CDC42BPA: variants seen among roughly 807,000 people sequenced by gnomAD.
CDC42BPA encodes the protein CDC42 binding protein kinase alpha, also known as serine/threonine-protein kinase MRCK alpha.
In CDC42BPA, 80 loss-of-function variants were observed where a neutral mutation model predicts 223.5. The observed-to-expected ratio is 0.36, with a 90% CI of 0.30 to 0.43. The LOEUF is 0.43. CDC42BPA is among the 20% of genes least tolerant of loss of function. CDC42BPA has a pLI of 1.00. For missense variants in CDC42BPA, 1,743 were observed against 2,099.9 expected, an observed-to-expected ratio of 0.83 and a Z score of 3.32; for synonymous variants, 694 against 718.6, an observed-to-expected ratio of 0.97 and a Z score of 0.55.
intron 1 of CDC42BPA, among the ~76,000 whole-genome samples, chr1:227,289,947 G>A (rs1323809383): frequency 6.6e-6 from 1 of 151,262 alleles, no homozygotes; most frequent in Admixed American, 6.6e-5. Flanking sequence ...GCTACTGGGA[G>A]GCTCACTTGA....
intron 10 of CDC42BPA, among the ~76,000 whole-genome samples, chr1:227,137,360 C>T (rs1658780916): frequency 6.6e-6 from 1 of 151,982 alleles, no homozygotes; most frequent in South Asian, 2.1e-4. Flanking sequence ...AAAACGCGGA[C>T]GATAAGTTCT....
At chr1:227,079,590 A>T (rs1343059828) in intron 17 of CDC42BPA, among the ~76,000 whole-genome samples, 1 of 152,180 alleles carries the variant, frequency 6.6e-6, no homozygotes, top group Non-Finnish European at 1.5e-5. Flanking sequence ...TCAGAAATGC[A>T]GACTTGATGA....
rs1341713166 is a variant in CDC42BPA at position 227,300,588 on chromosome 1, C to T, written c.178+16417G>A. ...AACTCAGGAATGGAAAACCAAATACCGTATGTTCTCACTTATAAGTGGGAG... is the reference window on the plus strand; with the variant it reads ...AACTCAGGAATGGAAAACCAAATACTGTATGTTCTCACTTATAAGTGGGAG... On this transcript the variant is annotated intron_variant, in intron 1 of 36. Coordinates refer to ENST00000366766, the MANE Select transcript of CDC42BPA (RefSeq NM_001394014.1). 4.6e-5 allele frequency among the ~76,000 whole-genome samples: 7 copies of T among 152,048 alleles called. No homozygotes were observed. In the South Asian group the frequency reaches 8.3e-4, roughly 18 times the overall value.
chr1:227,126,462 A>AG (rs1571822744), intron 11 of CDC42BPA, among the ~76,000 whole-genome samples: 1 of 128,040 alleles, frequency 7.8e-6, no homozygotes, highest in African/African-American at 2.9e-5. Context: ...AGGCAGTACA[A>AG]GAAAGGAAGG....
chr1:227,297,499 G>A (rs1690848683), intron 1 of CDC42BPA, among the ~76,000 whole-genome samples: 1 of 152,126 alleles, frequency 6.6e-6, no homozygotes, highest in African/African-American at 2.4e-5. Flanking sequence ...GTTCACTGCA[G>A]CATTATTCAT....
At chr1:227,091,184 G>A (rs1314139560) in intron 16 of CDC42BPA, among the ~76,000 whole-genome samples, 5 of 152,136 alleles carry the variant, frequency 3.3e-5, no homozygotes, top group Non-Finnish European at 7.3e-5. Context: ...TTAGCCATCC[G>A]TGACGGGGTA....
intron 2 of CDC42BPA, among the ~76,000 whole-genome samples, chr1:227,240,764 T>C (rs188991085): frequency 1.3e-5 from 2 of 151,740 alleles, no homozygotes; most frequent in African/African-American, 2.4e-5. Flanking sequence ...AATCTAAATA[T>C]AGTAGCTAAA....
At chr1:226,997,973 G>C (rs982265522) in intron 35 of CDC42BPA, among the ~76,000 whole-genome samples, 2 of 152,064 alleles carry the variant, frequency 1.3e-5, no homozygotes, top group Admixed American at 6.6e-5. Context: ...GCTTGAACCA[G>C]TGTGCAAAAA....
intron 6 of CDC42BPA, among the ~76,000 whole-genome samples, chr1:227,155,910 T>C (rs1033997768): frequency 6.6e-6 from 1 of 152,062 alleles, no homozygotes; most frequent in Non-Finnish European, 1.5e-5. Flanking sequence ...TCATCTACCA[T>C]GGTAGGATAG....
At chr1:227,094,198 T>C (rs1683573949) in intron 15 of CDC42BPA, among the ~76,000 whole-genome samples, 1 of 152,168 alleles carries the variant, frequency 6.6e-6, no homozygotes. Flanking sequence ...ATAAACTTTT[T>C]TTATCTGAGG....
intron 6 of CDC42BPA, among the ~76,000 whole-genome samples, chr1:227,152,195 G>A (rs969832502): frequency 2.6e-5 from 4 of 151,972 alleles, no homozygotes; most frequent in East Asian, 1.9e-4. Context: ...CACTCTGATC[G>A]TGCCCTTTGA....
Position 226,991,782 on chromosome 1 carries a change from TAA to T in CDC42BPA, c.*2484_*2485del, listed in dbSNP as rs1660767528. On this transcript the variant is annotated 3_prime_UTR_variant, in exon 37 of 37. Coordinates refer to ENST00000366766, the MANE Select transcript of CDC42BPA (RefSeq NM_001394014.1). The stretch of plus-strand genomic sequence containing the variant: ...TTAGGTAGGGTTATTATTTTGATCT[TAA>T]AAGCATCCTTTGCAAAATAAGCACC... The T allele has an allele frequency of 1.4e-5, 2 of 147,854 alleles. No individual in the cohort carries two copies. The highest frequency in any genetic ancestry group is 4.3e-4 in the South Asian group (2 of 4,700). The allele number at this position is 147,854 out of a possible 1,614,324, so 9.2% of individuals were successfully genotyped here. A position where few individuals can be genotyped will look rare whatever the true frequency, so the allele number is the denominator to read the frequency against.
At chr1:227,012,686 A>G (rs541338290) in intron 34 of CDC42BPA, among the ~76,000 whole-genome samples, 3 of 152,246 alleles carry the variant, frequency 2.0e-5, no homozygotes, top group Non-Finnish European at 2.9e-5. Context: ...TTAAAAACAT[A>G]TATGTTAACT....
intron 17 of CDC42BPA, among the ~76,000 whole-genome samples, chr1:227,077,669 G>T (rs1679779440): frequency 6.6e-6 from 1 of 152,038 alleles, no homozygotes; most frequent in African/African-American, 2.4e-5. Context: ...AAAAGCATGA[G>T]AAATCTCTAC....
At chr1:227,061,950 T>C (rs1676005935) in intron 21 of CDC42BPA, among the ~76,000 whole-genome samples, 1 of 152,232 alleles carries the variant, frequency 6.6e-6, no homozygotes, top group Non-Finnish European at 1.5e-5. Context: ...GACTGTCTGC[T>C]GGACATCTCC....
rs769555826 is a variant in CDC42BPA at position 227,047,944 on chromosome 1, T to C, written c.3076A>G (p.Thr1026Ala). 6.2e-7 allele frequency: 1 copy of C among 1,608,758 alleles called. No homozygotes were observed. Among genetic ancestry groups the C allele is most frequent in the African/African-American group, 1.3e-5 (1 of 74,768 alleles). ...TTGAGTACCTTAGGTGGAAAGCCAG[T>C]TGAACCAGGACATCCTTTTTTCCTT... ...TLRKKGCPGS[T>A]GFPPKRKTHQ... Residue 1026 changes from threonine to alanine, a missense_variant, in exon 23 of 37, where the codon ACT (threonine) becomes GCT (alanine). Physicochemically the swap from Thr to Ala is moderately conservative, Grantham distance 58. Coordinates refer to ENST00000366766, the MANE Select transcript of CDC42BPA (RefSeq NM_001394014.1).
rs996681126 is a variant in CDC42BPA, at chr1:226,993,797, C to G, written c.*471G>C. On this transcript the variant is annotated 3_prime_UTR_variant, in exon 37 of 37. Transcript: ENST00000366766. The stretch of plus-strand genomic sequence containing the variant: ...TTCATAAGGATTTCCTGGCAACAAT[C>G]AGGTTGATACTCACTGCGTTTGCTG... 6.5e-6 allele frequency: 1 copy of G among 154,972 alleles called. No individual in the cohort carries two copies. The highest frequency in any genetic ancestry group is 3.4e-3 in the Middle Eastern group (1 of 294). The allele number at this position is 154,972 out of a possible 1,614,324, so 9.6% of individuals were successfully genotyped here. A position where few individuals can be genotyped will look rare whatever the true frequency, so the allele number is the denominator to read the frequency against.
At chr1:227,063,817 C>G (rs539781857) in intron 21 of CDC42BPA, among the ~76,000 whole-genome samples, 4 of 152,154 alleles carry the variant, frequency 2.6e-5, no homozygotes, top group Non-Finnish European at 5.9e-5. Context: ...ATCGCTGAAA[C>G]TATGCTGCCA....
intron 16 of CDC42BPA, among the ~76,000 whole-genome samples, chr1:227,089,127 A>C (rs1348071874): frequency 6.6e-6 from 1 of 152,218 alleles, no homozygotes; most frequent in East Asian, 1.9e-4. Flanking sequence ...TTTGGAATTT[A>C]AAAACGTGAA....
Sources: gnomAD v4.1 joint callset for allele counts (sites outside exome capture counted in the v4.1 genomes callset) on GRCh38, gnomAD v4.1.1 for gene constraint, MANE v1.5 for transcripts, NCBI Gene and HGNC (gene_info 2026-07-23, HGNC 2026-07-21) for gene names.